The following TMEM52B variants were observed in gnomAD, a reference collection of about 807,000 sequenced individuals.
TMEM52B encodes the protein transmembrane protein 52B.
A neutral mutation model predicts 16.1 loss-of-function variants in TMEM52B; 11 were observed. The observed-to-expected ratio is 0.68, with a 90% CI of 0.43 to 1.13. TMEM52B has a LOEUF of 1.13. Among genes scored for constraint, TMEM52B ranks in the 50% most tolerant of loss-of-function variants. TMEM52B has a pLI of 0.00. For synonymous variants in TMEM52B, 101 were observed against 93.8 expected (o/e 1.08, Z -0.45); for missense variants, 243 against 230.4 (o/e 1.05, Z -0.35).
chr12:10,172,094 A>C (rs1404443901), intron 1 of TMEM52B: 1 of 1,597,316 alleles, frequency 6.3e-7, no homozygotes, highest in Non-Finnish European at 8.6e-7. Flanking sequence ...ATTCAAGCTA[A>C]GAATGAGAGA....
At chr12:10,186,789 TAAAG>T (rs1183422887) in intron 4 of TMEM52B, among the ~76,000 whole-genome samples, 200 bp downstream of exon 4, 2 of 152,192 alleles carry the variant, frequency 1.3e-5, no homozygotes, top group Admixed American at 6.5e-5. Flanking sequence ...TGGCTCATGA[TAAAG>T]AAAGAAGTGA....
chr12:10,188,385 G>C (rs1365547616), intron 4 of TMEM52B, among the ~76,000 whole-genome samples: 1 of 151,712 alleles, frequency 6.6e-6, no homozygotes, highest in East Asian at 1.9e-4. Context: ...TTTGAGCCCA[G>C]GAGGCGGAGG....
intron 4 of TMEM52B, among the ~76,000 whole-genome samples, chr12:10,188,377 T>C (rs7302795): frequency 0.32 from 48,483 of 151,176 alleles, 8,973 homozygotes; most frequent in Middle Eastern, 0.47. Context: ...GAGAATCATT[T>C]GAGCCCAGGA....
chr12:10,178,201 G>A (rs1266965269), upstream of TMEM52B, among the ~76,000 whole-genome samples: 1 of 150,716 alleles, frequency 6.6e-6, no homozygotes, highest in East Asian at 2.0e-4. Flanking sequence ...GGCCACATTT[G>A]TGTCTATAGC....
At chr12:10,183,461 G>GA (rs144466074) in intron 2 of TMEM52B, among the ~76,000 whole-genome samples, 15,406 of 146,460 alleles carry the variant, frequency 0.11, 883 homozygotes, top group Non-Finnish European at 0.14. Context: ...ATTGTTCAGT[G>GA]AAAAACAAAA....
At chr12:10,181,723 T>C (rs985998944) in intron 1 of TMEM52B, among the ~76,000 whole-genome samples, 17 of 151,570 alleles carry the variant, frequency 1.1e-4, no homozygotes, top group Non-Finnish European at 2.4e-4. Flanking sequence ...TTAAATGTTA[T>C]GAAATATTAA....
At position 10,186,692 on chromosome 12, in the gene TMEM52B, C is replaced by G. The variant is rs893477552; in HGVS notation, c.307+103C>G. 36 of 1,190,160 alleles carry G rather than the reference C, an allele frequency of 3.0e-5. No individual in the cohort carries two copies. The Admixed American group carries it at 3.8e-4, about 13-fold the overall frequency. 73.7% of individuals were successfully genotyped at this position (1,190,160 alleles called of 1,614,324 possible). ...CACTGATCGAGTAATATTAAAGATTCCAGGACTCACAATAATTTCCATTCC... is the reference window on the plus strand; with the variant it reads ...CACTGATCGAGTAATATTAAAGATTGCAGGACTCACAATAATTTCCATTCC... On this transcript the variant is annotated intron_variant, in intron 4 of 4. Transcript: ENST00000543484.
chr12:10,188,229 G>C (rs886987695), intron 4 of TMEM52B, among the ~76,000 whole-genome samples: 1 of 151,602 alleles, frequency 6.6e-6, no homozygotes, highest in Non-Finnish European at 1.5e-5. Context: ...TCAGTCCAAG[G>C]CGGGCAGATC....
At chr12:10,188,909 C>G in intron 4 of TMEM52B, among the ~76,000 whole-genome samples, 1 of 150,202 alleles carries the variant, frequency 6.7e-6, no homozygotes, top group African/African-American at 2.5e-5. Flanking sequence ...CCCAGCTACT[C>G]AGGAGGCTGA....
At chr12:10,182,199 C>T (rs747932560) in intron 1 of TMEM52B, 27 of 985,092 alleles carry the variant, frequency 2.7e-5, no homozygotes, top group Non-Finnish European at 3.0e-5. Flanking sequence ...TAGAATTCAA[C>T]TGGGCAGGAA....
Position 10,182,597 on chromosome 12 carries a change from A to T in TMEM52B, c.98+4A>T. 6.5e-7 allele frequency: 1 copy of T among 1,534,812 alleles called. No individual in the cohort carries two copies. On this transcript the variant is annotated splice_donor_region_variant and intron_variant, in intron 2 of 4. Coordinates refer to ENST00000543484, the MANE Select transcript of TMEM52B (RefSeq NM_001384896.1). Reference sequence around the variant, plus strand: ...AAAACTGTGGTAATCCTGAACAGTAAGTATAGAGTTCAAGCTGGGAGGAAG... The same window carrying T: ...AAAACTGTGGTAATCCTGAACAGTATGTATAGAGTTCAAGCTGGGAGGAAG...
At chr12:10,178,741 A>C (rs909631843), upstream of TMEM52B, among the ~76,000 whole-genome samples, 1 of 152,128 alleles carries the variant, frequency 6.6e-6, no homozygotes, top group Non-Finnish European at 1.5e-5. Flanking sequence ...TTTGGTTTTA[A>C]AAAAATGTCT....
intron 3 of TMEM52B, 68 bp downstream of exon 3, chr12:10,185,436 C>G (rs1437759179): frequency 5.1e-6 from 6 of 1,165,822 alleles, no homozygotes; most frequent in Non-Finnish European, 7.7e-6. Context: ...GACAACCTGC[C>G]TACTTACTTA....
At chr12:10,186,693 C>T (rs1306411259) in intron 4 of TMEM52B, 104 bp downstream of exon 4, 2 of 1,186,584 alleles carry the variant, frequency 1.7e-6, no homozygotes, top group African/African-American at 3.0e-5. Context: ...TTAAAGATTC[C>T]AGGACTCACA....
At chr12:10,182,427 C>T in intron 1 of TMEM52B, 123 bp from the exon 2 acceptor site, 1 of 1,395,416 alleles carries the variant, frequency 7.2e-7, no homozygotes, top group Non-Finnish European at 9.3e-7. Flanking sequence ...ATAGACTGCC[C>T]CTATGACCGT....
At chr12:10,180,146 G>T (rs943726277) in intron 1 of TMEM52B, among the ~76,000 whole-genome samples, 7 of 152,156 alleles carry the variant, frequency 4.6e-5, no homozygotes, top group Admixed American at 3.3e-4. Context: ...ACTGGACTGA[G>T]GGATTCTAAA....
chr12:10,171,748 A>G (rs1408157054), intron 1 of TMEM52B, among the ~76,000 whole-genome samples: 3 of 152,216 alleles, frequency 2.0e-5, no homozygotes, highest in Non-Finnish European at 2.9e-5. Context: ...TATTGCGAAG[A>G]TTCTGAGAAA....
intron 2 of TMEM52B, among the ~76,000 whole-genome samples, chr12:10,183,579 T>C (rs1344266995): frequency 6.6e-6 from 1 of 152,242 alleles, no homozygotes; most frequent in Non-Finnish European, 1.5e-5. Flanking sequence ...AATTTACTAC[T>C]CTTCAAAGAT....
upstream of TMEM52B, chr12:10,178,967 A>G (rs544098454): frequency 6.5e-6 from 1 of 153,238 alleles, no homozygotes; most frequent in South Asian, 2.1e-4. Context: ...GATTATCAAC[A>G]TAGTGAAGGG....
Sources: gnomAD v4.1 joint callset for allele counts (sites outside exome capture counted in the v4.1 genomes callset) on GRCh38, gnomAD v4.1.1 for gene constraint, MANE v1.5 for transcripts, NCBI Gene and HGNC (gene_info 2026-07-23, HGNC 2026-07-21) for gene names.